Variants in IQCH observed in about 807,000 individuals in gnomAD.
The protein encoded by IQCH is IQ domain-containing protein H.
IQCH carries 98 observed loss-of-function variants against 117.0 expected under a neutral mutation model. The ratio of observed to expected loss-of-function variants is 0.84; its 90% confidence interval spans 0.71 to 0.99. IQCH has a LOEUF of 0.99. Among genes scored for constraint, IQCH ranks in the 50% least tolerant of loss-of-function variants. The pLI is 0.00. For synonymous variants in IQCH, 412 were observed against 448.2 expected (o/e 0.92, Z 1.02); for missense variants, 1,102 against 1,243.8 (o/e 0.89, Z 1.72).
rs1374322676 is a variant in IQCH at position 67,481,256 on chromosome 15, G to A, written c.2799+5438G>A. Among the ~76,000 whole-genome samples the A allele has an allele frequency of 6.6e-6, 1 of 152,226 alleles. No individual in the cohort carries two copies. Among genetic ancestry groups the A allele is most frequent in the African/African-American group, 2.4e-5 (1 of 41,446 alleles). On this transcript the variant is annotated intron_variant, in intron 18 of 20. Transcript: ENST00000335894. The surrounding 1 kb of genome is among the most constrained non-coding windows in gnomAD (Gnocchi z 4.1). ...ACTGGGTAATTTATAAAAGAAAGAGGTTTAATTGACTCCCAGTTCTGCATG... is the reference window on the plus strand; with the variant it reads ...ACTGGGTAATTTATAAAAGAAAGAGATTTAATTGACTCCCAGTTCTGCATG...
intron 16 of IQCH, among the ~76,000 whole-genome samples, chr15:67,439,123 T>C (rs1355313199): frequency 6.6e-6 from 1 of 152,198 alleles, no homozygotes; most frequent in African/African-American, 2.4e-5. Flanking sequence ...CAACAGCGCA[T>C]GGAACTTTCT....
rs746971338 is a variant in IQCH at position 67,372,466 on chromosome 15, C to T, written c.1109C>T (p.Ser370Leu). Residue 370 changes from serine to leucine, a missense_variant, in exon 9 of 21, where the codon TCG (serine) becomes TTG (leucine). Physicochemically the swap from Ser to Leu is moderately radical, Grantham distance 145. This residue lies in a region of IQCH where 452 missense variants were observed against 449.6 expected (regional missense o/e 1.01). Transcript: ENST00000335894. ...AGGTACAAGGGCCAAGATGGAAATT[C>T]GGAGGCCGCCATGAAGATCCAAGCC... ...GQRYKGQDGNSEAAMKIQATW... is the reference protein window; with the variant it reads ...GQRYKGQDGNLEAAMKIQATW... The T allele has an allele frequency of 9.9e-6, 16 of 1,613,750 alleles. No homozygotes were observed. Among genetic ancestry groups the T allele is most frequent in the South Asian group, 5.5e-5 (5 of 91,038 alleles).
chr15:67,412,215 G>A (rs1200263323), intron 14 of IQCH, among the ~76,000 whole-genome samples: 1 of 152,122 alleles, frequency 6.6e-6, no homozygotes, highest in Non-Finnish European at 1.5e-5. Context: ...TCTAGCACTT[G>A]TTTATTATCA....
intron 5 of IQCH, among the ~76,000 whole-genome samples, chr15:67,340,242 A>G (rs1969085422): frequency 6.6e-6 from 1 of 151,978 alleles, no homozygotes; most frequent in Non-Finnish European, 1.5e-5. Flanking sequence ...AGCCTGGCCA[A>G]CATGGCAAAA....
chr15:67,257,020 A>C (rs928226900), intron 1 of IQCH, among the ~76,000 whole-genome samples: 1 of 152,280 alleles, frequency 6.6e-6, no homozygotes. Context: ...TTCCACTTCT[A>C]TTTGGGGCTA....
intron 4 of IQCH, among the ~76,000 whole-genome samples, chr15:67,290,400 G>T (rs1184113205): frequency 1.3e-5 from 2 of 151,966 alleles, no homozygotes; most frequent in African/African-American, 4.8e-5. Flanking sequence ...AAAAATCTCT[G>T]CTTAAATTTT....
rs2140849463 is a variant in IQCH at position 67,393,073 on chromosome 15, T to A, written c.1633-2218T>A. On this transcript the variant is annotated intron_variant, in intron 12 of 20. Transcript: ENST00000335894. The surrounding 1 kb of genome is among the most constrained non-coding windows in gnomAD (Gnocchi z 5.5). ...CTATCAATTTCAGAACTTTTTATCA[T>A]CCCAAGAAGAAACTCTGTACCCATT... Among the ~76,000 whole-genome samples, 1 of 152,244 alleles carries A rather than the reference T, an allele frequency of 6.6e-6. No individual in the cohort carries two copies. Among genetic ancestry groups the A allele is most frequent in the East Asian group, 1.9e-4 (1 of 5,182 alleles).
rs562825122 is a variant in IQCH, at chr15:67,473,437, G to A, written c.2677-2259G>A. Among the ~76,000 whole-genome samples, 6 of 152,214 alleles carry A rather than the reference G, an allele frequency of 3.9e-5. No individual in the cohort carries two copies. The highest frequency in any genetic ancestry group is 9.6e-5 in the African/African-American group (4 of 41,458). The stretch of plus-strand genomic sequence containing the variant: ...TGCTGTCCTCCAGCAGGCAAGGCCC[G>A]GAGCAACTGCCCTGAGTTGTCCTTC... On this transcript the variant is annotated intron_variant, in intron 17 of 20. Coordinates refer to ENST00000335894, the MANE Select transcript of IQCH (RefSeq NM_001031715.3). This position sits in a 1 kb window ranked among gnomAD's most constrained non-coding sequence, Gnocchi z 4.9.
At position 67,454,241 on chromosome 15, in the gene IQCH, G is replaced by A. The variant is rs1041911462; in HGVS notation, c.2506-10886G>A. ...TGGTGTGCTGCACCCACCATCCTGC[G>A]CCTACTGTCTGGCACTCCCCAGTGA... On this transcript the variant is annotated intron_variant, in intron 16 of 20. Transcript: ENST00000335894. This position sits in a 1 kb window ranked among gnomAD's most constrained non-coding sequence, Gnocchi z 5.2. 6.6e-6 allele frequency among the ~76,000 whole-genome samples: 1 copy of A among 152,046 alleles called. No homozygotes were observed.
At chr15:67,484,088 C>G (rs1256395085) in intron 18 of IQCH, among the ~76,000 whole-genome samples, 2 of 149,306 alleles carry the variant, frequency 1.3e-5, no homozygotes, top group African/African-American at 5.1e-5. Flanking sequence ...TTTAAATAGA[C>G]CAGGTCCAGC....
chr15:67,335,097 C>T (rs1968834426), intron 4 of IQCH, among the ~76,000 whole-genome samples: 1 of 152,118 alleles, frequency 6.6e-6, no homozygotes, highest in Non-Finnish European at 1.5e-5. Context: ...CACACACAGT[C>T]ACCTCACTGC....
Position 67,490,077 on chromosome 15 carries a change from T to C in IQCH, c.2861+13T>C, listed in dbSNP as rs768664043. Reference sequence around the variant, plus strand: ...AGTTGGGAATGTTGTGAGTATGAAGTGTATCTGTGAGTTGCAATAAGCTAA... The same window carrying C: ...AGTTGGGAATGTTGTGAGTATGAAGCGTATCTGTGAGTTGCAATAAGCTAA... On this transcript the variant is annotated intron_variant, in intron 19 of 20. Transcript: ENST00000335894. The surrounding 1 kb of genome is among the most constrained non-coding windows in gnomAD (Gnocchi z 4.9). The C allele has an allele frequency of 1.3e-6, 2 of 1,573,088 alleles. No homozygotes were observed. Among genetic ancestry groups the C allele is most frequent in the Non-Finnish European group, 1.7e-6 (2 of 1,154,190 alleles).
chr15:67,273,830 A>G (rs958383995), intron 3 of IQCH, among the ~76,000 whole-genome samples: 4 of 152,130 alleles, frequency 2.6e-5, no homozygotes, highest in Non-Finnish European at 5.9e-5. Flanking sequence ...AATAACTCCC[A>G]TTAGCATTTG....
chr15:67,299,994 A>G (rs986028216), intron 4 of IQCH, among the ~76,000 whole-genome samples: 1 of 152,042 alleles, frequency 6.6e-6, no homozygotes, highest in African/African-American at 2.4e-5. Flanking sequence ...GTTTACTTTA[A>G]TACGTTATTT....
intron 16 of IQCH, among the ~76,000 whole-genome samples, chr15:67,446,003 G>A (rs1426480533): frequency 2.0e-5 from 3 of 152,130 alleles, no homozygotes; most frequent in Non-Finnish European, 4.4e-5. Context: ...CAAATGCCAC[G>A]TGGCAGCAAC....
In IQCH at chr15:67,372,117, A is replaced by T; in HGVS notation, c.760A>T (p.Lys254Ter). 1 of 1,599,706 alleles carries T rather than the reference A, an allele frequency of 6.3e-7. No individual in the cohort carries two copies. The highest frequency in any genetic ancestry group is 8.5e-7 in the Non-Finnish European group (1 of 1,174,686). ...TATTTCTTTTTTTCCACAGGCCATGAAAGTCAAAACACCTTTGAGAGCCCT... is the reference window on the plus strand; with the variant it reads ...TATTTCTTTTTTTCCACAGGCCATGTAAGTCAAAACACCTTTGAGAGCCCT... ...SRGHHDRKAM[K>*]VKTPLRALKS... Residue 254 changes from lysine to a stop codon, truncating the protein, a stop_gained, in exon 9 of 21, where the codon AAA becomes TAA. Coordinates refer to ENST00000335894, the MANE Select transcript of IQCH (RefSeq NM_001031715.3). LOFTEE classifies it high-confidence loss of function.
chr15:67,330,300 A>G (rs1002192035), intron 4 of IQCH, among the ~76,000 whole-genome samples: 1 of 152,226 alleles, frequency 6.6e-6, no homozygotes, highest in Non-Finnish European at 1.5e-5. Context: ...TCCTTTACAT[A>G]AAAATTACTT....
intron 8 of IQCH, among the ~76,000 whole-genome samples, chr15:67,363,145 A>T (rs527559777): frequency 1.3e-5 from 2 of 152,312 alleles, no homozygotes; most frequent in East Asian, 3.8e-4. Flanking sequence ...TTACCATCTT[A>T]AAGGAAGAAG....
chr15:67,271,201 G>A (rs553283432), intron 3 of IQCH, among the ~76,000 whole-genome samples: 13 of 152,150 alleles, frequency 8.5e-5, no homozygotes, highest in Non-Finnish European at 1.5e-4. Context: ...AACTCCTGAC[G>A]TTGTGATCCG....
Sources: allele counts gnomAD v4.1 joint callset (sites outside exome capture counted in the v4.1 genomes callset), GRCh38; gene constraint gnomAD v4.1.1; regional missense constraint gnomAD v4.1.1; non-coding constraint Gnocchi (gnomAD v3.1); transcripts MANE v1.5; gene names NCBI Gene and HGNC (gene_info 2026-07-23, HGNC 2026-07-21).